COPB1: variants seen among roughly 807,000 people sequenced by gnomAD.
The protein encoded by COPB1 is coatomer subunit beta.
Under a neutral mutation model 108.7 loss-of-function variants are expected in COPB1, and 21 were observed. That is an observed-to-expected ratio of 0.19 (90% confidence interval 0.14 to 0.28). COPB1 has a LOEUF of 0.28. Ranked by LOEUF, COPB1 falls within the 10% of genes least tolerant of loss-of-function variation. The probability of loss-of-function intolerance (pLI) is 1.00; values close to 1 mark genes in which losing one functional copy is unlikely to be tolerated. For synonymous variants in COPB1, 378 were observed against 386.8 expected, an observed-to-expected ratio of 0.98 and a Z score of 0.27; for missense variants, 919 against 1,141.3, an observed-to-expected ratio of 0.81 and a Z score of 2.81.
intron 2 of COPB1, among the ~76,000 whole-genome samples, chr11:14,495,984 T>A (rs561934800): frequency 1.3e-5 from 2 of 152,354 alleles, no homozygotes; most frequent in East Asian, 3.9e-4. Flanking sequence ...AAACTGGGTT[T>A]CTTTTCCCTT....
rs185465896 is a variant in COPB1 at position 14,497,680 on chromosome 11, C to T, written c.91+1158G>A. ...AGGGGTACCATACGATTCAGCAATCCGACTACTGGGTATATATCCAAAAGA... is the reference window on the plus strand; with the variant it reads ...AGGGGTACCATACGATTCAGCAATCTGACTACTGGGTATATATCCAAAAGA... On this transcript the variant is annotated intron_variant, in intron 2 of 21. Coordinates refer to ENST00000439561, the MANE Select transcript of COPB1 (RefSeq NM_001144061.2). 1.2e-4 allele frequency among the ~76,000 whole-genome samples: 18 copies of T among 152,208 alleles called. No homozygotes were observed. In the East Asian group the frequency reaches 2.3e-3, roughly 20 times the overall value.
At chr11:14,465,097 ACACACACACACACT>A (rs1167011281) in intron 17 of COPB1, 67 bp from the exon 18 acceptor site, 29 of 1,437,344 alleles carry the variant, frequency 2.0e-5, no homozygotes, top group African/African-American at 7.2e-5. Context: ...ACACACACAC[ACACACACACACACT>A]AACCATAAAA....
intron 10 of COPB1, 74 bp from the exon 11 acceptor site, chr11:14,479,788 A>C: frequency 7.4e-7 from 1 of 1,352,948 alleles, no homozygotes; most frequent in Non-Finnish European, 1.0e-6. Context: ...CAAGAAATAA[A>C]TTAAAAGAAT....
intron 7 of COPB1, 122 bp downstream of exon 7, chr11:14,486,245 T>A: frequency 8.5e-7 from 1 of 1,170,394 alleles, no homozygotes; most frequent in East Asian, 2.3e-5. Flanking sequence ...AATAATTTTA[T>A]AAGTTTGTAG....
At chr11:14,471,624 C>T (rs969838167) in intron 14 of COPB1, among the ~76,000 whole-genome samples, 1 of 151,872 alleles carries the variant, frequency 6.6e-6, no homozygotes, top group South Asian at 2.1e-4. Context: ...AAAACAAAAA[C>T]AAAAAGAACC....
chr11:14,477,151 A>T (rs1850538403), intron 11 of COPB1, 136 bp from the exon 12 acceptor site: 1 of 603,482 alleles, frequency 1.7e-6, no homozygotes. Context: ...TGGGAGGCCG[A>T]GGCGGGCGGA....
intron 2 of COPB1, among the ~76,000 whole-genome samples, chr11:14,496,060 C>A (rs375194812): frequency 6.6e-6 from 1 of 152,100 alleles, no homozygotes. Flanking sequence ...TATTCCATTA[C>A]TGCTGATTAA....
At chr11:14,473,024 G>C (rs917881367) in intron 14 of COPB1, among the ~76,000 whole-genome samples, 1 of 152,064 alleles carries the variant, frequency 6.6e-6, no homozygotes, top group African/African-American at 2.4e-5. Flanking sequence ...TCCCAGGCTG[G>C]AGTGCAGTGG....
At chr11:14,470,898 AT>A (rs1460971922) in intron 14 of COPB1, among the ~76,000 whole-genome samples, 1 of 102,062 alleles carries the variant, frequency 9.8e-6, no homozygotes, top group Admixed American at 1.1e-4. Context: ...AGTGGAAGAA[AT>A]ACACACACAC....
intron 5 of COPB1, among the ~76,000 whole-genome samples, chr11:14,490,016 T>A (rs1296697467): frequency 6.6e-6 from 1 of 152,220 alleles, no homozygotes; most frequent in Non-Finnish European, 1.5e-5. Flanking sequence ...TTATTTCCCA[T>A]ATTTTGGTGA....
intron 14 of COPB1, among the ~76,000 whole-genome samples, chr11:14,473,405 T>G (rs1438648106): frequency 6.6e-6 from 1 of 152,342 alleles, no homozygotes; most frequent in East Asian, 1.9e-4. Flanking sequence ...GCTTTTGACA[T>G]GCATTCCTTA....
chr11:14,468,906 G>C lies in COPB1; in HGVS notation c.1966-46C>G, dbSNP rs1413601677. 2.0e-6 allele frequency: 3 copies of C among 1,520,060 alleles called. No individual in the cohort carries two copies. In the African/African-American group the frequency reaches 4.1e-5, roughly 21 times the overall value. The allele number at this position is 1,520,060 out of a possible 1,614,324, so 94.2% of individuals were successfully genotyped here. A position where few individuals can be genotyped will look rare whatever the true frequency, so the allele number is the denominator to read the frequency against. ...AGTCTCTCTTTAATATGAAAAGATAGTTTTTTAGAGGCTTTTGACAGAGAC... is the reference window on the plus strand; with the variant it reads ...AGTCTCTCTTTAATATGAAAAGATACTTTTTTAGAGGCTTTTGACAGAGAC... On this transcript the variant is annotated intron_variant, in intron 15 of 21. Transcript: ENST00000439561.
intron 11 of COPB1, among the ~76,000 whole-genome samples, chr11:14,477,439 C>A (rs1850551878): frequency 6.7e-6 from 1 of 148,340 alleles, no homozygotes; most frequent in Admixed American, 6.8e-5. Context: ...CGCCTGTAAT[C>A]CTAGCACATT....
chr11:14,485,892 T>C (rs936129414), intron 7 of COPB1, among the ~76,000 whole-genome samples: 2 of 152,156 alleles, frequency 1.3e-5, no homozygotes, highest in African/African-American at 2.4e-5. Flanking sequence ...TATTATATAA[T>C]GTATTCTTAT....
chr11:14,490,470 CAAA>C, intron 5 of COPB1, 92 bp downstream of exon 5: 1 of 682,782 alleles, frequency 1.5e-6, no homozygotes, highest in African/African-American at 1.9e-5. Flanking sequence ...GAACTATAAA[CAAA>C]ATTACTGACT....
chr11:14,487,703 C>CA (rs201074422), intron 6 of COPB1, among the ~76,000 whole-genome samples: 1,990 of 148,788 alleles, frequency 0.013, 30 homozygotes, highest in African/African-American at 0.038. Flanking sequence ...AAAAAAAAAA[C>CA]AAAAAAAAAC....
At chr11:14,461,944 T>C (rs1392461973) in intron 18 of COPB1, among the ~76,000 whole-genome samples, 1 of 152,212 alleles carries the variant, frequency 6.6e-6, no homozygotes, top group Non-Finnish European at 1.5e-5. Context: ...TTTTAAATCA[T>C]CTCTAGCTTA....
At chr11:14,497,605 G>C (rs1215499513) in intron 2 of COPB1, among the ~76,000 whole-genome samples, 2 of 152,154 alleles carry the variant, frequency 1.3e-5, no homozygotes, top group Non-Finnish European at 2.9e-5. Flanking sequence ...ATGTAAACTA[G>C]TATACCCACT....
chr11:14,497,857 G>T (rs1163764185), intron 2 of COPB1, among the ~76,000 whole-genome samples: 1 of 152,124 alleles, frequency 6.6e-6, no homozygotes, highest in Non-Finnish European at 1.5e-5. Flanking sequence ...GTACTATTCA[G>T]CCATAAAAAA....
Sources: gnomAD v4.1 joint callset for allele counts (sites outside exome capture counted in the v4.1 genomes callset) on GRCh38, gnomAD v4.1.1 for gene constraint, MANE v1.5 for transcripts, NCBI Gene and HGNC (gene_info 2026-07-23, HGNC 2026-07-21) for gene names.